Variants in PPP1R1C observed in about 807,000 individuals in gnomAD.
PPP1R1C encodes the protein protein phosphatase 1 regulatory inhibitor subunit 1C.
Under a neutral mutation model 17.4 loss-of-function variants are expected in PPP1R1C, and 15 were observed. The observed-to-expected ratio is 0.86, with a 90% CI of 0.58 to 1.33. The LOEUF is 1.33. PPP1R1C is among the 40% of genes most tolerant of loss of function. PPP1R1C has a pLI of 0.00. For synonymous variants in PPP1R1C, 35 were observed against 43.1 expected (o/e 0.81, Z 0.73); for missense variants, 143 against 130.0 (o/e 1.10, Z -0.48).
At chr2:181,978,733 G>A (rs1431163792) in intron 2 of PPP1R1C, among the ~76,000 whole-genome samples, 1 of 152,056 alleles carries the variant, frequency 6.6e-6, no homozygotes, top group African/African-American at 2.4e-5. Flanking sequence ...GTGTTCTATA[G>A]TTTACATATG....
chr2:182,042,916 C>T lies in PPP1R1C; in HGVS notation c.143-18526C>T, dbSNP rs559236507. 2.0e-5 allele frequency among the ~76,000 whole-genome samples: 3 copies of T among 152,300 alleles called. No individual in the cohort carries two copies. The South Asian group carries it at 6.2e-4, about 32-fold the overall frequency. On this transcript the variant is annotated intron_variant, in intron 2 of 4. Coordinates refer to ENST00000682840, the MANE Select transcript of PPP1R1C (RefSeq NM_001080545.3). The stretch of plus-strand genomic sequence containing the variant: ...CAACTAGAGATGATTGTGAGCCTTT[C>T]TGGATGCAGGGCATCTGAAACATCT...
chr2:182,087,681 A>T (rs995128747), intron 4 of PPP1R1C, among the ~76,000 whole-genome samples: 2 of 152,124 alleles, frequency 1.3e-5, no homozygotes, highest in African/African-American at 4.8e-5. Flanking sequence ...AAAAGTGACC[A>T]TGTCTGTTTT....
intron 4 of PPP1R1C, among the ~76,000 whole-genome samples, chr2:182,105,535 G>A (rs1304388034): frequency 6.6e-6 from 1 of 152,112 alleles, no homozygotes; most frequent in Non-Finnish European, 1.5e-5. Flanking sequence ...TATAGTGACG[G>A]GAGAGGGAAT....
chr2:182,130,181 A>G (rs2125244921), downstream of PPP1R1C: 1 of 152,300 alleles, frequency 6.6e-6, no homozygotes, highest in Non-Finnish European at 1.5e-5. Flanking sequence ...TGCAAAATAA[A>G]AATAAAAATA....
rs1485601611 is a variant in PPP1R1C at position 182,059,585 on chromosome 2, G to A, written c.143-1857G>A. 2.6e-5 allele frequency among the ~76,000 whole-genome samples: 4 copies of A among 152,028 alleles called. No homozygotes were observed. The South Asian group carries it at 6.2e-4, about 24-fold the overall frequency. On this transcript the variant is annotated intron_variant, in intron 2 of 4. Coordinates refer to ENST00000682840, the MANE Select transcript of PPP1R1C (RefSeq NM_001080545.3). ...TGTTATTGGCTTCCGTTGTACCTTT[G>A]TCTGAGTCAATTTGACCTGAAAAGT...
chr2:181,960,069 A>T (rs567196321), intron 1 of PPP1R1C, among the ~76,000 whole-genome samples: 1 of 152,294 alleles, frequency 6.6e-6, no homozygotes, highest in African/African-American at 2.4e-5. Flanking sequence ...TTGCCTCAAA[A>T]ATTGTGGATA....
intron 1 of PPP1R1C, among the ~76,000 whole-genome samples, chr2:181,974,140 T>TA (rs970101003): frequency 9.2e-5 from 14 of 151,602 alleles, no homozygotes; most frequent in South Asian, 2.1e-4. Flanking sequence ...GACTTTAAGG[T>TA]AAAAAAAAGT....
Position 181,992,287 on chromosome 2 carries a change from T to A in PPP1R1C, c.142+4388T>A, listed in dbSNP as rs56177617. ...CACTTTATTCTAAAATAACTTCATT[T>A]GTTCTCTGCAATAAAAAGTCATTTT... On this transcript the variant is annotated intron_variant, in intron 2 of 4. Transcript: ENST00000682840. 1.5e-3 allele frequency among the ~76,000 whole-genome samples: 138 copies of A among 90,054 alleles called. 36 individuals carry two copies. The Middle Eastern group carries it at 0.025, about 16-fold the overall frequency. 59.1% of individuals were successfully genotyped at this position (90,054 alleles called of 152,430 possible). A position where few individuals can be genotyped will look rare whatever the true frequency, so the allele number is the denominator to read the frequency against.
chr2:182,014,645 C>T (rs751254325), intron 2 of PPP1R1C, among the ~76,000 whole-genome samples: 4 of 151,836 alleles, frequency 2.6e-5, no homozygotes, highest in Non-Finnish European at 5.9e-5. Flanking sequence ...AACCCTACTC[C>T]ATCCCAGGGT....
intron 4 of PPP1R1C, among the ~76,000 whole-genome samples, chr2:182,089,262 CTCATTTGA>C (rs1253373863): frequency 2.0e-5 from 3 of 152,164 alleles, no homozygotes; most frequent in African/African-American, 7.2e-5. Context: ...GTAGTAAATT[CTCATTTGA>C]AGTTGTAGGT....
rs373858595 is a variant in PPP1R1C, at chr2:181,986,147, G to A, written c.37G>A (p.Val13Met). 7.4e-6 allele frequency: 12 copies of A among 1,613,636 alleles called. No individual in the cohort carries two copies. Among genetic ancestry groups the A allele is most frequent in the African/African-American group, 5.3e-5 (4 of 74,902 alleles). The change falls in exon 1 of 5, where the codon GTG becomes ATG. Residue 13 changes from valine (V) to methionine (M), a missense_variant. Val to Met is a conservative substitution (Grantham distance 21). Coordinates refer to ENST00000682840, the MANE Select transcript of PPP1R1C (RefSeq NM_001080545.3). ...PNSPKKIQFA[V>M]PVFQSQIAPE... ...CAGTCCCAAAAAGATACAGTTTGCC[G>A]TGCCTGTATTCCAGAGTCAGATTGC...
chr2:181,986,234 A>T, intron 1 of PPP1R1C, 43 bp downstream of exon 1: 8 of 1,375,760 alleles, frequency 5.8e-6, no homozygotes, highest in Non-Finnish European at 8.3e-6. Context: ...ACATAAGGTA[A>T]TATGAACATG....
At position 182,061,461 on chromosome 2, in the gene PPP1R1C, G is replaced by C; in HGVS notation, c.162G>C (p.Gly54=). ...TTACAGAAATAGATGACAAGAGGGG[G>C]CCCAACACACAAGGGGAAGTAAGTT... ...HNPPEIDDKR[G]PNTQGELQNA... Residue 54 remains glycine (G), a synonymous_variant, in exon 3 of 5, where the codon GGG becomes GGC. Transcript: ENST00000682840. 1 of 1,469,812 alleles carries C rather than the reference G, an allele frequency of 6.8e-7. No homozygotes were observed. The highest frequency in any genetic ancestry group is 1.4e-5 in the South Asian group (1 of 72,380). The allele number at this position is 1,469,812 out of a possible 1,614,324, so 91.0% of individuals were successfully genotyped here.
intron 2 of PPP1R1C, among the ~76,000 whole-genome samples, chr2:182,051,156 G>A (rs1318540790): frequency 6.6e-6 from 1 of 152,180 alleles, no homozygotes; most frequent in African/African-American, 2.4e-5. Context: ...AAAGAAGTGG[G>A]GAAAGAATAT....
chr2:182,104,453 C>A (rs1689189043), intron 4 of PPP1R1C, among the ~76,000 whole-genome samples: 1 of 152,162 alleles, frequency 6.6e-6, no homozygotes, highest in Admixed American at 6.5e-5. Context: ...TTGAGGTGAT[C>A]ATATGGTTTT....
chr2:181,956,659 T>G (rs928159496), intron 1 of PPP1R1C, among the ~76,000 whole-genome samples: 1 of 152,246 alleles, frequency 6.6e-6, no homozygotes, highest in Non-Finnish European at 1.5e-5. Flanking sequence ...ATCATGAGCA[T>G]TTTTTCATGT....
At chr2:182,028,472 C>A (rs2125168742) in intron 2 of PPP1R1C, among the ~76,000 whole-genome samples, 1 of 152,194 alleles carries the variant, frequency 6.6e-6, no homozygotes, top group South Asian at 2.1e-4. Flanking sequence ...ATTATGTATC[C>A]AGTAGTCATT....
At position 181,991,426 on chromosome 2, in the gene PPP1R1C, T is replaced by A. The variant is rs561513262; in HGVS notation, c.142+3527T>A. On this transcript the variant is annotated intron_variant, in intron 2 of 4. Transcript: ENST00000682840. The stretch of plus-strand genomic sequence containing the variant: ...TTAATCTGTTAAGGATATATCACCC[T>A]CTGGCATGGGTTAGTAAATCAGTTT... 8.5e-5 allele frequency among the ~76,000 whole-genome samples: 13 copies of A among 152,256 alleles called. No homozygotes were observed. The East Asian group carries it at 1.5e-3, about 18-fold the overall frequency.
At chr2:182,079,265 T>C (rs948910926) in intron 4 of PPP1R1C, among the ~76,000 whole-genome samples, 1 of 152,230 alleles carries the variant, frequency 6.6e-6, no homozygotes, top group Non-Finnish European at 1.5e-5. Flanking sequence ...GTGTTTATTT[T>C]AGTATATTAG....
Sources: gnomAD v4.1 joint callset for allele counts (sites outside exome capture counted in the v4.1 genomes callset) on GRCh38, gnomAD v4.1.1 for gene constraint, MANE v1.5 for transcripts, NCBI Gene and HGNC (gene_info 2026-07-23, HGNC 2026-07-21) for gene names.